The following RNF11 variants were observed in gnomAD, a reference collection of about 807,000 sequenced individuals.
The protein encoded by RNF11 is ring finger protein 11.
RNF11 carries 4 observed loss-of-function variants against 15.8 expected under a neutral mutation model. The observed-to-expected ratio is 0.25, with a 90% CI of 0.12 to 0.58. The LOEUF is 0.58. Ranked by LOEUF, RNF11 falls within the 20% of genes least tolerant of loss-of-function variation. The pLI, the probability that RNF11 is intolerant of heterozygous loss-of-function variation, is 0.91. For synonymous variants in RNF11, 68 were observed against 72.3 expected, an observed-to-expected ratio of 0.94 and a Z score of 0.30; for missense variants, 139 against 194.4, an observed-to-expected ratio of 0.71 and a Z score of 1.70.
chr1:51,267,802 C>T (rs1646961646), intron 1 of RNF11, among the ~76,000 whole-genome samples: 1 of 152,238 alleles, frequency 6.6e-6, no homozygotes, highest in South Asian at 2.1e-4. Context: ...AAGATCTTGG[C>T]TCACTGCAAC....
chr1:51,246,901 C>T (rs574379408), intron 1 of RNF11, among the ~76,000 whole-genome samples: 6 of 151,224 alleles, frequency 4.0e-5, no homozygotes, highest in Non-Finnish European at 8.8e-5. Context: ...TTACCTGAGC[C>T]CAGGAGTTCG....
intron 1 of RNF11, among the ~76,000 whole-genome samples, chr1:51,259,780 G>GT (rs1646922011): frequency 6.6e-6 from 1 of 152,176 alleles, no homozygotes; most frequent in Non-Finnish European, 1.5e-5. Flanking sequence ...GTAGGTCAAA[G>GT]TTTAAGTCAA....
At chr1:51,249,055 T>C (rs938454599) in intron 1 of RNF11, among the ~76,000 whole-genome samples, 3 of 152,194 alleles carry the variant, frequency 2.0e-5, no homozygotes, top group Non-Finnish European at 4.4e-5. Context: ...CCATTTTATA[T>C]AAGGGACTTG....
At chr1:51,251,757 C>T (rs1368361691) in intron 1 of RNF11, among the ~76,000 whole-genome samples, 12 of 151,960 alleles carry the variant, frequency 7.9e-5, no homozygotes, top group Non-Finnish European at 1.8e-4. Context: ...GGCAGGAGAG[C>T]AAGACCTCAT....
chr1:51,269,910 AG>A, intron 1 of RNF11, 45 bp from the exon 2 acceptor site: 1 of 1,543,000 alleles, frequency 6.5e-7, no homozygotes, highest in Non-Finnish European at 8.8e-7. Context: ...AGCCCTCGAA[AG>A]GTTTTTAAAA....
At chr1:51,237,222 G>T (rs1056116254) in intron 1 of RNF11, among the ~76,000 whole-genome samples, 7 of 151,728 alleles carry the variant, frequency 4.6e-5, no homozygotes, top group African/African-American at 1.7e-4. Flanking sequence ...TCATCGCACC[G>T]CCAACTGGAT....
At chr1:51,244,364 A>G (rs923403123) in intron 1 of RNF11, among the ~76,000 whole-genome samples, 1 of 151,786 alleles carries the variant, frequency 6.6e-6, no homozygotes, top group African/African-American at 2.4e-5. Context: ...ATTTCATTAT[A>G]TATTTTTTGA....
chr1:51,237,731 T>C (rs565734733), intron 1 of RNF11, among the ~76,000 whole-genome samples: 7 of 152,190 alleles, frequency 4.6e-5, no homozygotes, highest in Non-Finnish European at 1.0e-4. Flanking sequence ...GTGGATGTTA[T>C]AATCCACAAT....
intron 1 of RNF11, among the ~76,000 whole-genome samples, chr1:51,262,970 ATTAAGT>A (rs1239438823): frequency 2.0e-5 from 3 of 152,164 alleles, no homozygotes; most frequent in South Asian, 2.1e-4. Flanking sequence ...TAATAAAAAG[ATTAAGT>A]TTAAGCAATG....
intron 1 of RNF11, among the ~76,000 whole-genome samples, chr1:51,269,517 A>T (rs1026776033): frequency 6.6e-6 from 1 of 152,218 alleles, no homozygotes; most frequent in Non-Finnish European, 1.5e-5. Flanking sequence ...CAGAATTCTA[A>T]TTTCAGTATT....
Position 51,271,202 on chromosome 1 carries a change from G to T in RNF11, c.345G>T (p.Leu115=). 1 of 1,614,052 alleles carries T rather than the reference G, an allele frequency of 6.2e-7. No homozygotes were observed. The change falls in exon 3 of 3, where the codon CTG becomes CTT. Residue 115 remains leucine (L), a synonymous_variant. Transcript: ENST00000242719. ...DFVYGDPIRF[L]PCMHIYHLDC... is the part of the protein sequence containing the mutation. Reference sequence around the variant, plus strand: ...TTTATGGGGACCCAATTCGATTTCTGCCGTGCATGCACATCTATCACCTGG... The same window carrying T: ...TTTATGGGGACCCAATTCGATTTCTTCCGTGCATGCACATCTATCACCTGG...
chr1:51,251,438 G>A (rs565805374), intron 1 of RNF11: 26 of 904,024 alleles, frequency 2.9e-5, no homozygotes, highest in African/African-American at 2.4e-4. Flanking sequence ...CAGGGCCTCC[G>A]GGCCCCCCCC....
chr1:51,254,220 A>G (rs1305085568), intron 1 of RNF11, among the ~76,000 whole-genome samples: 1 of 152,094 alleles, frequency 6.6e-6, no homozygotes, highest in Admixed American at 6.5e-5. Context: ...TTTTTTTTAA[A>G]TCAAAGAATA....
chr1:51,254,235 A>G (rs1363908695), intron 1 of RNF11, among the ~76,000 whole-genome samples: 1 of 152,128 alleles, frequency 6.6e-6, no homozygotes, highest in Non-Finnish European at 1.5e-5. Context: ...AGAATAAAAC[A>G]TGGTCTCCTT....
chr1:51,251,326 C>T (rs1043540733), intron 1 of RNF11: 12 of 1,514,050 alleles, frequency 7.9e-6, no homozygotes, highest in East Asian at 6.9e-5. Flanking sequence ...GCCTTGCCTC[C>T]GCGAGCTCCG....
chr1:51,270,850 A>G (rs1181201757), intron 2 of RNF11, among the ~76,000 whole-genome samples: 1 of 152,260 alleles, frequency 6.6e-6, no homozygotes, highest in Non-Finnish European at 1.5e-5. Context: ...TCCTTCAGGT[A>G]TCTGCTATAA....
intron 1 of RNF11, among the ~76,000 whole-genome samples, chr1:51,240,931 C>T (rs1646826573): frequency 1.3e-5 from 2 of 152,268 alleles, no homozygotes; most frequent in Admixed American, 1.3e-4. Context: ...ATTCTCCTGC[C>T]TCAGCCTCTG....
intron 1 of RNF11, among the ~76,000 whole-genome samples, chr1:51,264,579 T>C (rs942702286): frequency 6.6e-6 from 1 of 152,032 alleles, no homozygotes; most frequent in Non-Finnish European, 1.5e-5. Flanking sequence ...AAGAAGGTGG[T>C]GCCAGCAGCA....
chr1:51,238,189 C>G (rs1033902272), intron 1 of RNF11, among the ~76,000 whole-genome samples: 1 of 152,182 alleles, frequency 6.6e-6, no homozygotes, highest in Non-Finnish European at 1.5e-5. Flanking sequence ...ACATCTAATC[C>G]TCTTTGAGAA....
Sources: allele counts gnomAD v4.1 joint callset (sites outside exome capture counted in the v4.1 genomes callset), GRCh38; gene constraint gnomAD v4.1.1; transcripts MANE v1.5; gene names NCBI Gene and HGNC (gene_info 2026-07-23, HGNC 2026-07-21).